PARVG: variants seen among roughly 807,000 people sequenced by gnomAD.
PARVG encodes the protein gamma-parvin.
Under a neutral mutation model 44.4 loss-of-function variants are expected in PARVG, and 36 were observed. That is an observed-to-expected ratio of 0.81 (90% confidence interval 0.62 to 1.07). The LOEUF is 1.07. Among genes scored for constraint, PARVG ranks in the 50% least tolerant of loss-of-function variants. PARVG has a pLI of 0.00. For synonymous variants in PARVG, 170 were observed against 174.1 expected, an observed-to-expected ratio of 0.98 and a Z score of 0.19; for missense variants, 407 against 407.4, an observed-to-expected ratio of 1.00 and a Z score of 0.01.
chr22:44,176,401 G>A (rs73163829), upstream of PARVG, among the ~76,000 whole-genome samples: 13,587 of 152,234 alleles, frequency 0.089, 858 homozygotes, highest in South Asian at 0.26. Flanking sequence ...TGGTACAGAT[G>A]CAATTTTTTC....
intron 9 of PARVG, among the ~76,000 whole-genome samples, chr22:44,194,897 C>G (rs2054599010): frequency 6.6e-6 from 1 of 152,200 alleles, no homozygotes; most frequent in East Asian, 1.9e-4. Context: ...ATCTATCCAC[C>G]TACCCACCTA....
Position 44,205,064 on chromosome 22 carries a change from A to G in PARVG, c.814-693A>G, listed in dbSNP as rs543446653. On this transcript the variant is annotated intron_variant, in intron 12 of 13. Transcript: ENST00000444313. Reference sequence around the variant, plus strand: ...CAGGGACTAAGCTGAGCTCTGAATCACTGGGGGACTTGACTGATGCCCGGG... The same window carrying G: ...CAGGGACTAAGCTGAGCTCTGAATCGCTGGGGGACTTGACTGATGCCCGGG... Among the ~76,000 whole-genome samples the G allele has an allele frequency of 2.6e-5, 4 of 152,244 alleles. No homozygotes were observed. In the South Asian group the frequency reaches 8.3e-4, roughly 32 times the overall value.
rs139152 is a variant in PARVG, at chr22:44,198,704, C to G, written c.795C>G (p.Pro265=). 575,634 of 1,609,638 alleles carry G rather than the reference C, an allele frequency of 0.36. 109,765 individuals are homozygous for G. Among genetic ancestry groups the G allele is most frequent in the Non-Finnish European group, 0.4 (467,768 of 1,176,140 alleles). The change falls in exon 12 of 14, where the codon CCC becomes CCG. Residue 265 remains proline (P), a synonymous_variant. Coordinates refer to ENST00000444313, the MANE Select transcript of PARVG (RefSeq NM_022141.7). ...FLHLKEFYLT[P]NSPAEMLHNV... is the part of the protein sequence containing the mutation. ...ACTTAAAGGAATTCTACCTCACTCC[C>G]AACTCTCCTGCAGAAATGGTAAGTT... is the stretch of plus-strand genomic sequence containing the variant.
At chr22:44,197,527 TTG>T (rs1199343044) in intron 11 of PARVG, among the ~76,000 whole-genome samples, 13 of 152,210 alleles carry the variant, frequency 8.5e-5, no homozygotes, top group African/African-American at 2.9e-4. Context: ...CGTGAGAAGT[TTG>T]TGTGTGATAT....
At chr22:44,174,225 A>G (rs1008835902) in intron 1 of PARVG, among the ~76,000 whole-genome samples, 9 of 151,674 alleles carry the variant, frequency 5.9e-5, no homozygotes, top group African/African-American at 2.2e-4. Context: ...AGTGAGAGGG[A>G]ACTCCCAGAA....
intron 11 of PARVG, among the ~76,000 whole-genome samples, chr22:44,197,624 C>A (rs2054636690): frequency 6.6e-6 from 1 of 152,124 alleles, no homozygotes; most frequent in African/African-American, 2.4e-5. Flanking sequence ...CACTTATGGG[C>A]CCTGGGGTCT....
rs768732076 is a variant in PARVG, at chr22:44,206,667, T to A, written c.*241T>A. 77 of 524,552 alleles carry A rather than the reference T, an allele frequency of 1.5e-4. No individual in the cohort carries two copies. The highest frequency in any genetic ancestry group is 2.3e-4 in the Non-Finnish European group (66 of 292,188). 32.5% of individuals were successfully genotyped at this position (524,552 alleles called of 1,614,324 possible). ...ATTTCTGGGAGGGATTCTGGGAACT[T>A]GACAGGGTCCTGAGGAGGGCCCTTA... On this transcript the variant is annotated 3_prime_UTR_variant, in exon 14 of 14. Transcript: ENST00000444313.
chr22:44,190,722 A>G, intron 7 of PARVG, 56 bp downstream of exon 7: 1 of 1,445,312 alleles, frequency 6.9e-7, no homozygotes, highest in Non-Finnish European at 9.7e-7. Flanking sequence ...TTGGGCCCCC[A>G]TTGCCGTACC....
At chr22:44,201,770 C>T (rs1271624493) in intron 12 of PARVG, among the ~76,000 whole-genome samples, 9 of 152,202 alleles carry the variant, frequency 5.9e-5, no homozygotes, top group East Asian at 3.9e-4. Context: ...GTCACTCCTC[C>T]GAGGACTGGA....
intron 12 of PARVG, among the ~76,000 whole-genome samples, chr22:44,199,359 A>G (rs16991639): frequency 0.33 from 49,860 of 151,220 alleles, 8,387 homozygotes; most frequent in Middle Eastern, 0.43. Context: ...TTGTCCTTCA[A>G]TCCATCTTCC....
intron 2 of PARVG, 83 bp from the exon 3 acceptor site, chr22:44,183,235 C>T: frequency 7.8e-7 from 1 of 1,287,984 alleles, no homozygotes; most frequent in Non-Finnish European, 1.1e-6. Context: ...TCCTTCTGTG[C>T]CTCCAGGTCT....
In PARVG at chr22:44,180,993, C is replaced by T; in HGVS notation, c.-381C>T. On this transcript the variant is annotated 5_prime_UTR_variant, in exon 1 of 14. Transcript: ENST00000444313. ...TGTGCTGAGATCTCTCCTTCTCGAA[C>T]CCTGCTATGCCTTTGCATACGCTGT... is the stretch of plus-strand genomic sequence containing the variant. 2 of 985,192 alleles carry T rather than the reference C, an allele frequency of 2.0e-6. No individual in the cohort carries two copies. The highest frequency in any genetic ancestry group is 2.4e-6 in the Non-Finnish European group (2 of 829,738). The allele number at this position is 985,192 out of a possible 1,614,324, so 61.0% of individuals were successfully genotyped here.
In PARVG at chr22:44,182,906, G is replaced by T. The variant is rs1024497850; in HGVS notation, c.-12-412G>T. 5.7e-6 allele frequency: 1 copy of T among 175,156 alleles called. No individual in the cohort carries two copies. The highest frequency in any genetic ancestry group is 1.2e-5 in the Non-Finnish European group (1 of 82,726). The allele number at this position is 175,156 out of a possible 1,614,324, so 10.9% of individuals were successfully genotyped here. ...TCAGCCAGCCCCACACAGGCCGACC[G>T]GGGAGGTTTCCCTTGAGCTCAACCT... On this transcript the variant is annotated intron_variant, in intron 2 of 13. Transcript: ENST00000444313. The surrounding 1 kb of genome is among the most constrained non-coding windows in gnomAD (Gnocchi z 4.6).
Position 44,183,309 on chromosome 22 carries a change from T to A in PARVG, c.-12-9T>A. 1.2e-6 allele frequency: 2 copies of A among 1,600,870 alleles called. No homozygotes were observed. Among genetic ancestry groups the A allele is most frequent in the Non-Finnish European group, 1.7e-6 (2 of 1,175,444 alleles). On this transcript the variant is annotated splice_polypyrimidine_tract_variant and intron_variant, in intron 2 of 13. Transcript: ENST00000444313. ...GACCGTGACGCCCTCTCCTGCCTCC[T>A]CTGTGCAGGCTTGGGAGGCGATGGA...
chr22:44,196,218 GA>G lies in PARVG; in HGVS notation c.642+6del. 9 of 1,614,176 alleles carry G rather than the reference GA, an allele frequency of 5.6e-6. No individual in the cohort carries two copies. Among genetic ancestry groups the G allele is most frequent in the African/African-American group, 1.3e-5 (1 of 75,052 alleles). Reference sequence around the variant, plus strand: ...AAAGTGAACGCAGTGAAAGAGGTAGGAGAGATCAAAGCTCTCAGCGGCTCTC... The same window carrying G: ...AAAGTGAACGCAGTGAAAGAGGTAGGGAGATCAAAGCTCTCAGCGGCTCTC... On this transcript the variant is annotated splice_donor_region_variant and intron_variant, in intron 10 of 13. Transcript: ENST00000444313.
At chr22:44,189,288 G>C in intron 6 of PARVG, 34 bp downstream of exon 6, 1 of 1,609,030 alleles carries the variant, frequency 6.2e-7, no homozygotes, top group Non-Finnish European at 8.5e-7. Context: ...CCCCTGGGGA[G>C]TGTGGGGCCG....
chr22:44,200,001 G>A (rs1193610945), intron 12 of PARVG, among the ~76,000 whole-genome samples: 2 of 152,124 alleles, frequency 1.3e-5, no homozygotes, highest in African/African-American at 4.8e-5. Flanking sequence ...TGATGGAGGT[G>A]GGGTGAGAGG....
Position 44,183,415 on chromosome 22 carries a change from GCCC to G in PARVG, c.79+8_79+10del. ...GAGGAGGAGCTCTCAAAAGGTGTGT[GCCC>G]ACGCAGGTCTGAGGGTGGAGGGTGA... On this transcript the variant is annotated splice_region_variant and intron_variant, in intron 3 of 13. Coordinates refer to ENST00000444313, the MANE Select transcript of PARVG (RefSeq NM_022141.7). 1 of 1,591,766 alleles carries G rather than the reference GCCC, an allele frequency of 6.3e-7. No homozygotes were observed. The highest frequency in any genetic ancestry group is 8.5e-7 in the Non-Finnish European group (1 of 1,172,072).
chr22:44,185,776 C>T (rs1460052873), intron 3 of PARVG, 32 bp from the exon 4 acceptor site: 3 of 1,595,270 alleles, frequency 1.9e-6, no homozygotes, highest in Admixed American at 1.7e-5. Context: ...CACAGGGTCC[C>T]CATGCGCTTG....
Sources: allele counts gnomAD v4.1 joint callset (sites outside exome capture counted in the v4.1 genomes callset), GRCh38; gene constraint gnomAD v4.1.1; non-coding constraint Gnocchi (gnomAD v3.1); transcripts MANE v1.5; gene names NCBI Gene and HGNC (gene_info 2026-07-23, HGNC 2026-07-21).